Variants in GALNT13 observed in about 807,000 individuals in gnomAD.
GALNT13 encodes the protein UDP-GalNAc:polypeptide N-acetylgalactosaminyltransferase 13.
Under a neutral mutation model 64.2 loss-of-function variants are expected in GALNT13, and 28 were observed. The ratio of observed to expected loss-of-function variants is 0.44; its 90% CI spans 0.32 to 0.60. The LOEUF (loss-of-function observed/expected upper bound fraction) is 0.60, where lower values mean the gene tolerates loss of function less well. Ranked by LOEUF, GALNT13 falls within the 20% of genes least tolerant of loss-of-function variation. The pLI, the probability that GALNT13 is intolerant of heterozygous loss-of-function variation, is 0.05. For missense variants in GALNT13, 577 were observed against 669.8 expected (o/e 0.86, Z 1.53); for synonymous variants, 214 against 224.6 (o/e 0.95, Z 0.42).
chr2:153,597,724 A>G, the GALNT13 span, among the ~76,000 whole-genome samples: 1 of 152,248 alleles, frequency 6.6e-6, no homozygotes, highest in South Asian at 2.1e-4. Flanking sequence ...AATCATATAT[A>G]TGATAAGCAC....
At chr2:153,404,530 A>G in the GALNT13 span, among the ~76,000 whole-genome samples, 1 of 150,940 alleles carries the variant, frequency 6.6e-6, no homozygotes, top group South Asian at 2.1e-4. Context: ...TTTTTACTTT[A>G]GAAAAAAAAT....
chr2:153,440,197 A>C, the GALNT13 span, among the ~76,000 whole-genome samples: 3 of 150,344 alleles, frequency 2.0e-5, no homozygotes, highest in South Asian at 6.3e-4. Context: ...GAGAACATGC[A>C]TTGTTTTGTT....
At chr2:153,552,680 A>G in the GALNT13 span, among the ~76,000 whole-genome samples, 1 of 151,436 alleles carries the variant, frequency 6.6e-6, no homozygotes, top group South Asian at 2.1e-4. Flanking sequence ...AAAAGAAGCA[A>G]TGGTATGAAA....
chr2:154,158,203 C>T (rs1201976540), intron 4 of GALNT13, among the ~76,000 whole-genome samples: 1 of 152,034 alleles, frequency 6.6e-6, no homozygotes, highest in African/African-American at 2.4e-5. Flanking sequence ...CCAGATAGTC[C>T]CAAACTCAGC....
At chr2:153,871,392 T>C (rs1045546715), upstream of GALNT13, among the ~76,000 whole-genome samples, 5 of 151,738 alleles carry the variant, frequency 3.3e-5, no homozygotes, top group Admixed American at 2.6e-4. Flanking sequence ...GAGGCCAACC[T>C]CCGTCCTTTC....
the GALNT13 span, among the ~76,000 whole-genome samples, chr2:153,686,046 C>A: frequency 6.6e-6 from 1 of 151,976 alleles, no homozygotes; most frequent in East Asian, 1.9e-4. Flanking sequence ...GTTACTGTAG[C>A]CCTGTAGTAT....
chr2:154,447,974 A>G (rs1403373092), intron 12 of GALNT13, among the ~76,000 whole-genome samples: 2 of 152,032 alleles, frequency 1.3e-5, no homozygotes, highest in Non-Finnish European at 2.9e-5. Context: ...TTCTCTCCAT[A>G]GGAGAAATTG....
intron 3 of GALNT13, among the ~76,000 whole-genome samples, chr2:154,086,022 A>G (rs1701504250): frequency 6.6e-6 from 1 of 151,754 alleles, no homozygotes; most frequent in African/African-American, 2.4e-5. Context: ...GTTGTTGCCC[A>G]TTGTCAGTAG....
chr2:153,401,820 C>G, the GALNT13 span, among the ~76,000 whole-genome samples: 1 of 151,904 alleles, frequency 6.6e-6, no homozygotes, highest in African/African-American at 2.4e-5. Flanking sequence ...CTATGTGTGT[C>G]TCTGCACGTG....
chr2:153,226,117 A>G, the GALNT13 span, among the ~76,000 whole-genome samples: 1 of 152,010 alleles, frequency 6.6e-6, no homozygotes, highest in African/African-American at 2.4e-5. Context: ...TTGTAATAGT[A>G]GAGATGGGGT....
the GALNT13 span, among the ~76,000 whole-genome samples, chr2:153,331,677 C>T: frequency 3.9e-5 from 6 of 151,998 alleles, no homozygotes; most frequent in Non-Finnish European, 1.5e-5. Flanking sequence ...AGATTGTGCT[C>T]ACCAGATTAA....
intron 7 of GALNT13, among the ~76,000 whole-genome samples, chr2:154,254,003 A>T (rs1287031805): frequency 6.6e-6 from 1 of 152,188 alleles, no homozygotes; most frequent in East Asian, 1.9e-4. Context: ...GGGCTTATAG[A>T]AGAAGGTGGA....
At chr2:153,789,154 T>C in the GALNT13 span, among the ~76,000 whole-genome samples, 1 of 152,286 alleles carries the variant, frequency 6.6e-6, no homozygotes, top group South Asian at 2.1e-4. Context: ...TATATTCTTC[T>C]TATTGCCACA....
the GALNT13 span, among the ~76,000 whole-genome samples, chr2:153,422,453 T>A: frequency 5.9e-5 from 9 of 152,118 alleles, no homozygotes; most frequent in Non-Finnish European, 1.2e-4. Flanking sequence ...AAAAGATGAG[T>A]AACTTCTAGA....
intron 9 of GALNT13, among the ~76,000 whole-genome samples, chr2:154,359,400 G>A (rs149681477): frequency 6.6e-6 from 1 of 152,240 alleles, no homozygotes; most frequent in Non-Finnish European, 1.5e-5. Context: ...GACCAGATCA[G>A]CTCTGGAGCT....
intron 8 of GALNT13, among the ~76,000 whole-genome samples, chr2:154,284,434 A>G (rs925961426): frequency 6.6e-6 from 1 of 152,042 alleles, no homozygotes; most frequent in Admixed American, 6.6e-5. Flanking sequence ...CACAAATAAC[A>G]TAATTCCCTT....
chr2:153,551,734 T>C, the GALNT13 span, among the ~76,000 whole-genome samples: 1 of 152,150 alleles, frequency 6.6e-6, no homozygotes, highest in Non-Finnish European at 1.5e-5. Flanking sequence ...TGGTTTGAGA[T>C]CTGTAAAGTT....
At chr2:153,389,671 CCTTGGTGATGGTAGAAGTTTTATGAA>C in the GALNT13 span, among the ~76,000 whole-genome samples, 1 of 152,020 alleles carries the variant, frequency 6.6e-6, no homozygotes, top group African/African-American at 2.4e-5. Flanking sequence ...ACACACCTTG[CCTTGGTGATGGTAGAAGTTTTATGAA>C]CTGGCTTGTA....
intron 11 of GALNT13, among the ~76,000 whole-genome samples, chr2:154,431,369 G>C (rs1439107054): frequency 1.3e-5 from 2 of 152,022 alleles, no homozygotes; most frequent in Non-Finnish European, 2.9e-5. Flanking sequence ...TTTTTCTAAA[G>C]GGTCATGAAA....
Sources: gnomAD v4.1 joint callset for allele counts (sites outside exome capture counted in the v4.1 genomes callset) on GRCh38, gnomAD v4.1.1 for gene constraint, MANE v1.5 for transcripts, NCBI Gene and HGNC (gene_info 2026-07-23, HGNC 2026-07-21) for gene names.